The following VPS39 variants were observed in gnomAD, a reference collection of about 807,000 sequenced individuals.
VPS39 encodes the protein vam6/Vps39-like protein.
VPS39 carries 70 observed loss-of-function variants against 121.0 expected under a neutral mutation model. The observed-to-expected ratio is 0.58, with a 90% CI of 0.48 to 0.71. The LOEUF is 0.71. Among genes scored for constraint, VPS39 ranks in the 30% least tolerant of loss-of-function variants. VPS39 has a pLI of 0.00. For synonymous variants in VPS39, 378 were observed against 398.1 expected (o/e 0.95, Z 0.60); for missense variants, 818 against 1,051.5 (o/e 0.78, Z 3.07).
At chr15:42,203,456 G>A (rs665718) in intron 1 of VPS39, among the ~76,000 whole-genome samples, 9,824 of 147,792 alleles carry the variant, frequency 0.066, 842 homozygotes, top group African/African-American at 0.19. Context: ...CCTGGGTGAC[G>A]GGGCAGGACT....
chr15:42,179,641 A>T (rs1409198102), intron 8 of VPS39, among the ~76,000 whole-genome samples: 5 of 150,686 alleles, frequency 3.3e-5, no homozygotes, highest in East Asian at 3.9e-4. Flanking sequence ...AAATAAAAAA[A>T]AAAGAAATAA....
At chr15:42,178,428 A>G in intron 9 of VPS39, 22 bp downstream of exon 9, 1 of 1,614,182 alleles carries the variant, frequency 6.2e-7, no homozygotes. Flanking sequence ...ATACAGCCAT[A>G]GCAAAAAAAG....
At position 42,160,514 on chromosome 15, in the gene VPS39, T is replaced by C. The variant is rs1222879617; in HGVS notation, c.*240A>G. ...TCCTGACCAAGCAGGTACTGAATTC[T>C]CTGGAATTGCCCACAACATAATGGT... On this transcript the variant is annotated 3_prime_UTR_variant, in exon 25 of 25. Coordinates refer to ENST00000318006, the MANE Select transcript of VPS39 (RefSeq NM_015289.5). The C allele has an allele frequency of 1.9e-6, 1 of 515,142 alleles. No individual in the cohort carries two copies. Among genetic ancestry groups the C allele is most frequent in the Non-Finnish European group, 3.5e-6 (1 of 285,174 alleles). 31.9% of individuals were successfully genotyped at this position (515,142 alleles called of 1,614,324 possible).
At chr15:42,175,053 C>T (rs569806264) in intron 10 of VPS39, among the ~76,000 whole-genome samples, 1 of 152,244 alleles carries the variant, frequency 6.6e-6, no homozygotes, top group East Asian at 1.9e-4. Flanking sequence ...TACTCCCCAG[C>T]AAAGGAGACA....
At chr15:42,206,974 T>C (rs1350051269) in intron 1 of VPS39, among the ~76,000 whole-genome samples, 3 of 152,264 alleles carry the variant, frequency 2.0e-5, no homozygotes, top group African/African-American at 4.8e-5. Flanking sequence ...AGTAGGATTC[T>C]CCTCTTAACC....
intron 1 of VPS39, among the ~76,000 whole-genome samples, chr15:42,201,184 T>C (rs758271198): frequency 6.6e-6 from 1 of 152,178 alleles, no homozygotes; most frequent in Non-Finnish European, 1.5e-5. Context: ...TTTTTAACTT[T>C]TATTTTTTTA....
chr15:42,190,546 T>C (rs1484664058), intron 4 of VPS39, among the ~76,000 whole-genome samples: 1 of 152,154 alleles, frequency 6.6e-6, no homozygotes, highest in African/African-American at 2.4e-5. Context: ...TTACCTGATA[T>C]CCTGCCAATC....
At chr15:42,185,754 A>G (rs2049688370) in intron 7 of VPS39, among the ~76,000 whole-genome samples, 1 of 152,226 alleles carries the variant, frequency 6.6e-6, no homozygotes, top group African/African-American at 2.4e-5. Context: ...GCTGACTTCA[A>G]TATGAGGGAA....
In VPS39 at chr15:42,161,678, T is replaced by G; in HGVS notation, c.2552+4A>C. On this transcript the variant is annotated splice_donor_region_variant and intron_variant, in intron 24 of 24. Transcript: ENST00000318006. ...GATGCCACACAGGTGTGAAGGAGGC[T>G]CACCTGTTCCCAATCTTCTTCTTAC... 1 of 1,613,874 alleles carries G rather than the reference T, an allele frequency of 6.2e-7. No individual in the cohort carries two copies. The highest frequency in any genetic ancestry group is 8.5e-7 in the Non-Finnish European group (1 of 1,179,724).
Position 42,164,380 on chromosome 15 carries a change from G to A in VPS39, c.2004C>T (p.Leu668=), listed in dbSNP as rs768697411. The change falls in exon 19 of 25, where the codon CTC becomes CTT. Residue 668 remains leucine, a synonymous_variant. Coordinates refer to ENST00000318006, the MANE Select transcript of VPS39 (RefSeq NM_015289.5). ...CACCATCAAAGGGAAAATCACAGATGAGCCGGCCTGGATCATAGTAGCTGG... is the reference window on the plus strand; with the variant it reads ...CACCATCAAAGGGAAAATCACAGATAAGCCGGCCTGGATCATAGTAGCTGG... The part of the protein sequence containing the change: ...EISSYYDPGR[L]ICDFPFDGLL... The A allele has an allele frequency of 1.3e-5, 21 of 1,614,156 alleles. 1 individual carries two copies. The South Asian group carries it at 1.8e-4, about 14-fold the overall frequency.
intron 6 of VPS39, 28 bp downstream of exon 6, chr15:42,187,730 A>G (rs1295463278): frequency 6.2e-7 from 1 of 1,610,204 alleles, no homozygotes; most frequent in African/African-American, 1.3e-5. Flanking sequence ...CTCCCACCCA[A>G]CCATGGACCA....
At chr15:42,194,631 G>C (rs2049896978) in intron 2 of VPS39, among the ~76,000 whole-genome samples, 1 of 152,024 alleles carries the variant, frequency 6.6e-6, no homozygotes, top group African/African-American at 2.4e-5. Context: ...TGCTTGAGAG[G>C]CTGAGGCGGG....
At chr15:42,187,184 A>T in intron 7 of VPS39, 87 bp downstream of exon 7, 1 of 1,001,218 alleles carries the variant, frequency 1.0e-6, no homozygotes, top group Non-Finnish European at 1.5e-6. Context: ...AGCTCTACTT[A>T]AAGTGGTCGC....
intron 16 of VPS39, 148 bp from the exon 17 acceptor site, chr15:42,165,964 G>A (rs944145784): frequency 2.2e-6 from 2 of 913,974 alleles, no homozygotes; most frequent in Non-Finnish European, 3.4e-6. Context: ...GTCAGACGAG[G>A]CACAGGCCTC....
chr15:42,166,579 C>T lies in VPS39; in HGVS notation c.1590G>A (p.Gln530=). The T allele has an allele frequency of 6.2e-7, 1 of 1,614,264 alleles. No individual in the cohort carries two copies. The highest frequency in any genetic ancestry group is 8.5e-7 in the Non-Finnish European group (1 of 1,180,048). ...SPLKGHERTV[Q]YLQHLGTENL... Reference sequence around the variant, plus strand: ...CGGACTTACCCAGATGCTGCAGATACTGCACTGTCCTCTCGTGGCCTTTCA... The same window carrying T: ...CGGACTTACCCAGATGCTGCAGATATTGCACTGTCCTCTCGTGGCCTTTCA... The change falls in exon 15 of 25, where the codon CAG becomes CAA. Residue 530 remains glutamine, a synonymous_variant. Coordinates refer to ENST00000318006, the MANE Select transcript of VPS39 (RefSeq NM_015289.5).
intron 11 of VPS39, among the ~76,000 whole-genome samples, chr15:42,173,111 A>G (rs2049378983): frequency 6.6e-6 from 1 of 152,256 alleles, no homozygotes; most frequent in African/African-American, 2.4e-5. Flanking sequence ...TCAAACACTT[A>G]CAGAGCACTT....
rs1316129369 is a variant in VPS39, at chr15:42,167,521, A to G, written c.1250T>C (p.Val417Ala). 1.2e-6 allele frequency: 2 copies of G among 1,614,070 alleles called. No homozygotes were observed. The change falls in exon 13 of 25, where the codon GTA becomes GCA. Residue 417 changes from valine (V) to alanine (A), a missense_variant. Coordinates refer to ENST00000318006, the MANE Select transcript of VPS39 (RefSeq NM_015289.5). Reference sequence around the variant, plus strand: ...GTGATCAGAGTCATTCAGCTTCTTTACCAATTGACTTCGTTTCTGCAAAGG... The same window carrying G: ...GTGATCAGAGTCATTCAGCTTCTTTGCCAATTGACTTCGTTTCTGCAAAGG... ...DYLTQKRSQL[V>A]KKLNDSDHQS...
intron 4 of VPS39, among the ~76,000 whole-genome samples, chr15:42,189,839 G>C (rs527531672): frequency 3.9e-5 from 4 of 102,070 alleles, no homozygotes; most frequent in African/African-American, 1.6e-4. Flanking sequence ...GTCTCACTCT[G>C]TTGCCCAGGC....
chr15:42,176,426 A>C (rs530970032), intron 10 of VPS39, among the ~76,000 whole-genome samples: 6 of 152,178 alleles, frequency 3.9e-5, no homozygotes, highest in Non-Finnish European at 7.4e-5. Flanking sequence ...GTCATGATAA[A>C]TACAAAATTT....
Sources: allele counts gnomAD v4.1 joint callset (sites outside exome capture counted in the v4.1 genomes callset), GRCh38; gene constraint gnomAD v4.1.1; transcripts MANE v1.5; gene names NCBI Gene and HGNC (gene_info 2026-07-23, HGNC 2026-07-21).